Variants in PCSK5 observed in about 807,000 individuals in gnomAD.
The protein encoded by PCSK5 is proprotein convertase subtilisin/kexin type 5, also known as prohormone convertase 5.
Under a neutral mutation model 233.2 loss-of-function variants are expected in PCSK5, and 129 were observed. That is an observed-to-expected ratio of 0.55 (90% CI 0.48 to 0.64). The LOEUF (loss-of-function observed/expected upper bound fraction) is 0.64, where lower values mean the gene tolerates loss of function less well. Ranked by LOEUF, PCSK5 falls within the 30% of genes least tolerant of loss-of-function variation. The pLI is 0.00. For synonymous variants in PCSK5, 825 were observed against 879.2 expected (o/e 0.94, Z 1.09); for missense variants, 2,076 against 2,430.1 (o/e 0.85, Z 3.06).
At chr9:76,076,120 A>G (rs904850625) in intron 7 of PCSK5, among the ~76,000 whole-genome samples, 5 of 152,246 alleles carry the variant, frequency 3.3e-5, no homozygotes, top group Non-Finnish European at 7.3e-5. Flanking sequence ...CAAGCCCATC[A>G]TATGAAGAAC....
At chr9:76,034,015 A>G (rs1490661065) in intron 5 of PCSK5, among the ~76,000 whole-genome samples, 2 of 152,186 alleles carry the variant, frequency 1.3e-5, no homozygotes, top group African/African-American at 4.8e-5. Flanking sequence ...TATTTTAGAA[A>G]ATTCATTTCT....
intron 9 of PCSK5, among the ~76,000 whole-genome samples, chr9:76,123,205 C>T (rs1832716228): frequency 6.6e-6 from 1 of 152,092 alleles, no homozygotes; most frequent in African/African-American, 2.4e-5. Flanking sequence ...CATGCTGTTA[C>T]ATCTTTATTT....
intron 9 of PCSK5, among the ~76,000 whole-genome samples, chr9:76,121,175 C>A (rs73650442): frequency 6.6e-6 from 1 of 151,412 alleles, no homozygotes; most frequent in Non-Finnish European, 1.5e-5. Context: ...CTTCATAATG[C>A]GTATGCAGCG....
intron 35 of PCSK5, among the ~76,000 whole-genome samples, chr9:76,341,688 C>CCT (rs993211402): frequency 2.6e-5 from 4 of 152,138 alleles, no homozygotes; most frequent in African/African-American, 9.6e-5. Context: ...TTCTTTACTC[C>CCT]CTCTCTCTCT....
intron 24 of PCSK5, among the ~76,000 whole-genome samples, chr9:76,258,415 T>A (rs906912530): frequency 8.5e-5 from 13 of 152,198 alleles, no homozygotes; most frequent in Non-Finnish European, 1.3e-4. Flanking sequence ...AAAGTTCTTT[T>A]GAAGGGGTGC....
rs1437088297 is a variant in PCSK5, at chr9:75,903,618, T to A, written c.192+12245T>A. 1.0e-3 allele frequency among the ~76,000 whole-genome samples: 145 copies of A among 145,046 alleles called. 2 individuals carry two copies. In the East Asian group the frequency reaches 0.026, roughly 26 times the overall value. ...ATATATTATATATATATATTATATA[T>A]ATATATAAAATAAGTATTTAAGGGA... On this transcript the variant is annotated intron_variant, in intron 1 of 37. Transcript: ENST00000674117.
intron 17 of PCSK5, among the ~76,000 whole-genome samples, chr9:76,187,361 T>TTAAC (rs1335183455): frequency 3.3e-5 from 5 of 152,134 alleles, no homozygotes; most frequent in African/African-American, 7.2e-5. Context: ...ATTTTTTATA[T>TTAAC]TAACTATTGT....
chr9:75,923,234 C>T (rs1481031717), intron 1 of PCSK5, among the ~76,000 whole-genome samples: 1 of 152,140 alleles, frequency 6.6e-6, no homozygotes, highest in African/African-American at 2.4e-5. Context: ...GAGTCAGTTT[C>T]CTTGTCCATA....
At chr9:76,267,954 C>T (rs1257832052) in intron 24 of PCSK5, among the ~76,000 whole-genome samples, 3 of 1,600 alleles carry the variant, frequency 1.9e-3, no homozygotes, top group Non-Finnish European at 4.1e-3. Flanking sequence ...TGGGTATACA[C>T]ACACACACAC....
At chr9:76,111,847 T>C (rs1832229605) in intron 9 of PCSK5, among the ~76,000 whole-genome samples, 1 of 152,180 alleles carries the variant, frequency 6.6e-6, no homozygotes, top group Non-Finnish European at 1.5e-5. Context: ...ATCTAGGTCC[T>C]AGTATATGTT....
chr9:76,207,112 CCTT>C (rs1329295560), intron 20 of PCSK5, among the ~76,000 whole-genome samples: 1 of 152,188 alleles, frequency 6.6e-6, no homozygotes, highest in African/African-American at 2.4e-5. Context: ...AGTAAATTCT[CCTT>C]CTGTTTTCCT....
chr9:75,994,852 A>G lies in PCSK5; in HGVS notation c.411+8607A>G, dbSNP rs527816630. ...ATTTAGTCATTTCCCTTTGCTTAAC[A>G]CTTCTGAAAAGACTTCCCACTGTTT... On this transcript the variant is annotated intron_variant, in intron 3 of 37. Transcript: ENST00000674117. 2.0e-5 allele frequency among the ~76,000 whole-genome samples: 3 copies of G among 152,262 alleles called. No homozygotes were observed. In the South Asian group the frequency reaches 6.2e-4, roughly 32 times the overall value.
At chr9:76,315,928 G>GTTTTTTTTT (rs71499141) in intron 30 of PCSK5, among the ~76,000 whole-genome samples, 169 of 91,764 alleles carry the variant, frequency 1.8e-3, no homozygotes, top group Non-Finnish European at 2.5e-3. Context: ...CACTTCAAGG[G>GTTTTTTTTT]TTTTTTTTTT....
chr9:75,910,004 A>T (rs987744135), intron 1 of PCSK5, among the ~76,000 whole-genome samples: 29 of 152,196 alleles, frequency 1.9e-4, no homozygotes, highest in Non-Finnish European at 2.9e-4. Flanking sequence ...TGGATGCTTC[A>T]TTAGTCTGAG....
intron 24 of PCSK5, among the ~76,000 whole-genome samples, chr9:76,273,797 T>G (rs1294719767): frequency 6.7e-6 from 1 of 150,304 alleles, no homozygotes; most frequent in Non-Finnish European, 1.5e-5. Context: ...CATACATAGC[T>G]AATTTTTAAT....
intron 1 of PCSK5, among the ~76,000 whole-genome samples, chr9:75,900,960 C>T (rs750586711): frequency 6.6e-6 from 1 of 151,792 alleles, no homozygotes. Context: ...ACAGTGAGCA[C>T]GTGGGCAGGG....
chr9:76,168,579 T>A (rs1240301575), intron 12 of PCSK5, among the ~76,000 whole-genome samples: 1 of 152,202 alleles, frequency 6.6e-6, no homozygotes, highest in African/African-American at 2.4e-5. Context: ...ATTCTAGCTA[T>A]TTCAAGCAGG....
chr9:76,127,021 G>GA (rs5898450), intron 9 of PCSK5, among the ~76,000 whole-genome samples: 71,435 of 151,882 alleles, frequency 0.47, 17,202 homozygotes, highest in Admixed American at 0.52. Context: ...AGTTGACAGT[G>GA]AAAACTGATC....
intron 7 of PCSK5, among the ~76,000 whole-genome samples, chr9:76,076,833 C>T (rs1349457697): frequency 6.6e-6 from 1 of 152,120 alleles, no homozygotes; most frequent in Non-Finnish European, 1.5e-5. Context: ...ACAATGTGCT[C>T]TTTCTTCTAA....
Sources: gnomAD v4.1 joint callset for allele counts (sites outside exome capture counted in the v4.1 genomes callset) on GRCh38, gnomAD v4.1.1 for gene constraint, MANE v1.5 for transcripts, NCBI Gene and HGNC (gene_info 2026-07-23, HGNC 2026-07-21) for gene names.